The following BCAR3 variants were observed in gnomAD, a reference collection of about 807,000 sequenced individuals.
The protein encoded by BCAR3 is breast cancer anti-estrogen resistance protein 3.
In BCAR3, 37 loss-of-function variants were observed where a neutral mutation model predicts 80.1. The ratio of observed to expected loss-of-function variants is 0.46; its 90% CI spans 0.36 to 0.61. The LOEUF is 0.61. Ranked by LOEUF, BCAR3 falls within the 20% of genes least tolerant of loss-of-function variation. The pLI is 0.00. For missense variants in BCAR3, 978 were observed against 1,068.2 expected, an observed-to-expected ratio of 0.92 and a Z score of 1.18; for synonymous variants, 389 against 418.9, an observed-to-expected ratio of 0.93 and a Z score of 0.87.
At chr1:93,731,637 G>C (rs11164970) in intron 2 of BCAR3, among the ~76,000 whole-genome samples, 59,690 of 148,562 alleles carry the variant, frequency 0.4, 12,954 homozygotes, top group Non-Finnish European at 0.49. Context: ...ATAAATAGTA[G>C]ATGTTAAAGT....
chr1:93,804,154 T>G (rs1653585620), intron 2 of BCAR3, among the ~76,000 whole-genome samples: 1 of 152,202 alleles, frequency 6.6e-6, no homozygotes, highest in Non-Finnish European at 1.5e-5. Flanking sequence ...CTATTTCAAA[T>G]ACATTAAAAA....
At chr1:93,652,684 C>T (rs1676361035) in intron 2 of BCAR3, among the ~76,000 whole-genome samples, 2 of 151,940 alleles carry the variant, frequency 1.3e-5, no homozygotes, top group African/African-American at 4.8e-5. Context: ...TATGAGTCCT[C>T]ACCCTGTGAT....
chr1:93,826,876 G>T (rs572663412), intron 2 of BCAR3, among the ~76,000 whole-genome samples: 4 of 152,194 alleles, frequency 2.6e-5, no homozygotes, highest in Admixed American at 2.6e-4. Flanking sequence ...AGGGGTTCCT[G>T]TTCAGGCTAA....
In BCAR3 at chr1:93,788,393, T is replaced by A. The variant is rs183181648; in HGVS notation, c.-63+57174A>T. Among the ~76,000 whole-genome samples the A allele has an allele frequency of 1.4e-3, 207 of 152,312 alleles. 2 individuals are homozygous for A. The highest frequency in any genetic ancestry group is 4.7e-3 in the African/African-American group (195 of 41,554). ...CCTGTTATTTTTCATTGTGTTATTG[T>A]TTTATAGGCCCTGTGAGATTTATGC... On this transcript the variant is annotated intron_variant, in intron 2 of 13. Transcript: ENST00000370244.
At chr1:93,644,325 G>A (rs1488865908) in intron 2 of BCAR3, among the ~76,000 whole-genome samples, 1 of 152,146 alleles carries the variant, frequency 6.6e-6, no homozygotes, top group East Asian at 1.9e-4. Flanking sequence ...AAGGAACCTT[G>A]GTCTCCACAA....
intron 3 of BCAR3, among the ~76,000 whole-genome samples, chr1:93,620,074 C>G (rs1675262141): frequency 6.6e-6 from 1 of 152,184 alleles, no homozygotes; most frequent in Non-Finnish European, 1.5e-5. Context: ...GAAGGGACAA[C>G]AAACCCCATC....
chr1:93,681,993 T>C (rs1648803617), upstream of BCAR3, among the ~76,000 whole-genome samples: 1 of 151,838 alleles, frequency 6.6e-6, no homozygotes, highest in Non-Finnish European at 1.5e-5. Flanking sequence ...AGAGTTTGGC[T>C]CTCTTCGTAT....
rs77681321 is a variant in BCAR3 at position 93,632,164 on chromosome 1, T to A, written c.357+10140A>T. On this transcript the variant is annotated intron_variant, in intron 3 of 11. Coordinates refer to ENST00000260502, the MANE Select transcript of BCAR3 (RefSeq NM_003567.4). ...GACAAAAGCACTATCCTTGTGATTGTGCAAGATCATAAAATTTGCCCAAGG... is the reference window on the plus strand; with the variant it reads ...GACAAAAGCACTATCCTTGTGATTGAGCAAGATCATAAAATTTGCCCAAGG... 6.2e-4 allele frequency among the ~76,000 whole-genome samples: 95 copies of A among 152,324 alleles called. No homozygotes were observed. In the East Asian group the frequency reaches 6.6e-3, roughly 11 times the overall value.
intron 2 of BCAR3, among the ~76,000 whole-genome samples, chr1:93,819,274 C>T (rs1654122578): frequency 6.6e-6 from 1 of 152,178 alleles, no homozygotes; most frequent in African/African-American, 2.4e-5. Context: ...CCACGTTGGC[C>T]AGGATGGTCT....
chr1:93,587,073 C>A (rs955246751), intron 5 of BCAR3, among the ~76,000 whole-genome samples: 4 of 152,312 alleles, frequency 2.6e-5, no homozygotes, highest in South Asian at 4.1e-4. Context: ...CCATGCCCAG[C>A]CCATTTGTAT....
chr1:93,587,167 A>G (rs1390534440), intron 5 of BCAR3, among the ~76,000 whole-genome samples: 2 of 152,144 alleles, frequency 1.3e-5, no homozygotes, highest in African/African-American at 4.8e-5. Flanking sequence ...TTTTTCCTAT[A>G]GAGTTGTTTG....
chr1:93,642,732 G>A (rs1194466456), intron 2 of BCAR3, among the ~76,000 whole-genome samples: 4 of 152,206 alleles, frequency 2.6e-5, no homozygotes, highest in Admixed American at 2.0e-4. Flanking sequence ...TCCCCAGAAC[G>A]TCCCCACCAG....
chr1:93,703,531 C>T (rs1207084077), intron 3 of BCAR3, among the ~76,000 whole-genome samples: 1 of 149,788 alleles, frequency 6.7e-6, no homozygotes, highest in Non-Finnish European at 1.5e-5. Context: ...CTTGCCACCA[C>T]ACTCCAGCCT....
In BCAR3 at chr1:93,586,088, T is replaced by C. The variant is rs931605593; in HGVS notation, c.930-1967A>G. On this transcript the variant is annotated intron_variant, in intron 5 of 11. Transcript: ENST00000260502. The surrounding 1 kb of genome is among the most constrained non-coding windows in gnomAD (Gnocchi z 4.2). ...CAATTACACTCTTTATTTTAAAATA[T>C]ATAATTGTTTTGACTACAGTCACCC... Among the ~76,000 whole-genome samples the C allele has an allele frequency of 1.3e-5, 2 of 152,190 alleles. No individual in the cohort carries two copies. Among genetic ancestry groups the C allele is most frequent in the African/African-American group, 4.8e-5 (2 of 41,442 alleles).
chr1:93,827,007 A>G (rs1210030268), intron 2 of BCAR3, among the ~76,000 whole-genome samples: 4 of 152,196 alleles, frequency 2.6e-5, no homozygotes, highest in Non-Finnish European at 4.4e-5. Context: ...CAGGAAGGCC[A>G]TGGGCAGTGC....
chr1:93,614,578 T>C (rs1675049817), intron 3 of BCAR3, among the ~76,000 whole-genome samples: 1 of 152,076 alleles, frequency 6.6e-6, no homozygotes, highest in Non-Finnish European at 1.5e-5. Flanking sequence ...TATTTTTAAT[T>C]AAGATGCTCC....
At chr1:93,813,292 G>A (rs1653907951) in intron 2 of BCAR3, among the ~76,000 whole-genome samples, 1 of 152,080 alleles carries the variant, frequency 6.6e-6, no homozygotes, top group African/African-American at 2.4e-5. Flanking sequence ...CAGTCACTCT[G>A]GTCAGTCCAG....
intron 2 of BCAR3, among the ~76,000 whole-genome samples, chr1:93,839,968 T>C (rs1654899607): frequency 6.6e-6 from 1 of 152,178 alleles, no homozygotes; most frequent in South Asian, 2.1e-4. Context: ...TCCCAGGTCA[T>C]GCTGATACTC....
chr1:93,790,641 T>C (rs1177683930), intron 2 of BCAR3, among the ~76,000 whole-genome samples: 30 of 108,778 alleles, frequency 2.8e-4, no homozygotes, highest in African/African-American at 1.3e-3. Flanking sequence ...TTCATTTTTT[T>C]TTTTTCTTAA....
Sources: allele counts gnomAD v4.1 joint callset (sites outside exome capture counted in the v4.1 genomes callset), GRCh38; gene constraint gnomAD v4.1.1; non-coding constraint Gnocchi (gnomAD v3.1); transcripts MANE v1.5; gene names NCBI Gene and HGNC (gene_info 2026-07-23, HGNC 2026-07-21).